Variants in KIF27 observed in about 807,000 individuals in gnomAD.
KIF27 encodes kinesin family member 27, also known as kinesin-like protein KIF27.
Under a neutral mutation model 141.8 loss-of-function variants are expected in KIF27, and 84 were observed. The ratio of observed to expected loss-of-function variants is 0.59; its 90% CI spans 0.50 to 0.71. KIF27 has a LOEUF of 0.71. KIF27 is among the 30% of genes least tolerant of loss of function. KIF27 has a pLI of 0.00. For missense variants in KIF27, 1,306 were observed against 1,628.4 expected, an observed-to-expected ratio of 0.80 and a Z score of 3.41; for synonymous variants, 471 against 569.5, an observed-to-expected ratio of 0.83 and a Z score of 2.46.
At position 83,889,750 on chromosome 9, in the gene KIF27, A is replaced by G. The variant is rs553986690; in HGVS notation, c.1810-497T>C. Among the ~76,000 whole-genome samples the G allele has an allele frequency of 3.3e-5, 5 of 152,128 alleles. No individual in the cohort carries two copies. The East Asian group carries it at 7.7e-4, about 24-fold the overall frequency. ...CAATATTCCTAATCTGAATACCACA[A>G]TGTATATACTTATTCTTTATACATG... On this transcript the variant is annotated intron_variant, in intron 6 of 17. Transcript: ENST00000297814.
intron 4 of KIF27, 38 bp downstream of exon 4, chr9:83,903,022 A>AAAAT (rs762654973): frequency 8.0e-5 from 103 of 1,281,504 alleles, no homozygotes; most frequent in South Asian, 4.2e-4. Flanking sequence ...ATGTATCAAT[A>AAAAT]AAATAAATAA....
At chr9:83,854,699 C>G (rs1369523525) in intron 14 of KIF27, among the ~76,000 whole-genome samples, 2 of 152,190 alleles carry the variant, frequency 1.3e-5, no homozygotes, top group Non-Finnish European at 2.9e-5. Context: ...CCATGCCCAG[C>G]TCTTCCAGTT....
Position 83,910,333 on chromosome 9 carries a change from G to C in KIF27, c.299-1681C>G, listed in dbSNP as rs11140292. On this transcript the variant is annotated intron_variant, in intron 2 of 17. Transcript: ENST00000297814. The stretch of plus-strand genomic sequence containing the variant: ...AAAGCAGGAAACTGACCCTAGGTAA[G>C]ACCAATCTATTTCACAGTCCTTTGC... Among the ~76,000 whole-genome samples the C allele has an allele frequency of 8.0e-3, 1,216 of 152,278 alleles. 32 individuals carry two copies. Among genetic ancestry groups the C allele is most frequent in the East Asian group, 0.036 (189 of 5,186 alleles).
At chr9:83,882,406 C>G (rs1335066337) in intron 10 of KIF27, among the ~76,000 whole-genome samples, 1 of 152,178 alleles carries the variant, frequency 6.6e-6, no homozygotes, top group Non-Finnish European at 1.5e-5. Context: ...CCGGTATTGT[C>G]ATCACCACTA....
chr9:83,855,824 T>G (rs914638392), intron 14 of KIF27, among the ~76,000 whole-genome samples: 1 of 152,230 alleles, frequency 6.6e-6, no homozygotes, highest in African/African-American at 2.4e-5. Context: ...GTGAAGAGTT[T>G]GCCTTTATAC....
intron 6 of KIF27, among the ~76,000 whole-genome samples, chr9:83,889,888 T>C (rs951913045): frequency 1.3e-5 from 2 of 152,198 alleles, no homozygotes; most frequent in Non-Finnish European, 2.9e-5. Flanking sequence ...CATTCTTCTA[T>C]TGGAAATGCA....
chr9:83,906,744 C>CAA (rs565683124), intron 3 of KIF27, among the ~76,000 whole-genome samples: 24 of 49,936 alleles, frequency 4.8e-4, no homozygotes, highest in South Asian at 6.8e-4. Context: ...ACCCTGTCTC[C>CAA]AAAAAAAAAA....
At chr9:83,845,494 A>G (rs898264841) in intron 16 of KIF27, among the ~76,000 whole-genome samples, 4 of 152,160 alleles carry the variant, frequency 2.6e-5, no homozygotes, top group African/African-American at 9.7e-5. Context: ...TCCAGCCTGC[A>G]CCGATGGCCT....
chr9:83,895,907 C>T (rs577052595), intron 5 of KIF27, among the ~76,000 whole-genome samples: 1 of 151,992 alleles, frequency 6.6e-6, no homozygotes, highest in South Asian at 2.1e-4. Context: ...AAAAAATTAG[C>T]CAGGCATGGT....
At chr9:83,877,005 A>C (rs1348383217) in intron 11 of KIF27, among the ~76,000 whole-genome samples, 1 of 152,146 alleles carries the variant, frequency 6.6e-6, no homozygotes, top group African/African-American at 2.4e-5. Context: ...TGAGCCCAGG[A>C]ATTGGAGGCT....
rs770669830 is a variant in KIF27, at chr9:83,903,104, G to A, written c.1414C>T (p.His472Tyr). ...GTASLEEGPQHVTVLQLKREL... is the reference protein window; with the variant it reads ...GTASLEEGPQYVTVLQLKREL... ...CTCTTCAGCTGGAGAACTGTAACAT[G>A]CTGTGGTCCTTCTTCCAGACTTGCA... Residue 472 changes from histidine to tyrosine, a missense_variant, in exon 4 of 18, where the codon CAT becomes TAT. His to Tyr is a moderately conservative substitution (Grantham distance 83, BLOSUM62 2). Coordinates refer to ENST00000297814, the MANE Select transcript of KIF27 (RefSeq NM_017576.4). 32 of 1,614,080 alleles carry A rather than the reference G, an allele frequency of 2.0e-5. No homozygotes were observed. Among genetic ancestry groups the A allele is most frequent in the Non-Finnish European group, 2.5e-5 (29 of 1,179,934 alleles).
chr9:83,912,451 G>A (rs2132744998), intron 2 of KIF27, among the ~76,000 whole-genome samples: 1 of 152,276 alleles, frequency 6.6e-6, no homozygotes, highest in South Asian at 2.1e-4. Flanking sequence ...GAGCTTATAG[G>A]AACTAGCCTG....
chr9:83,851,387 G>C (rs1948568170), intron 15 of KIF27, among the ~76,000 whole-genome samples: 1 of 151,916 alleles, frequency 6.6e-6, no homozygotes, highest in South Asian at 2.1e-4. Flanking sequence ...GTCTCACTCT[G>C]TCACCTCAGG....
intron 3 of KIF27, among the ~76,000 whole-genome samples, chr9:83,905,987 A>G (rs1366301047): frequency 2.0e-5 from 3 of 152,234 alleles, no homozygotes; most frequent in Admixed American, 6.5e-5. Flanking sequence ...TTCAGCATTG[A>G]TATCAGATAT....
chr9:83,866,253 T>G (rs890020475), intron 13 of KIF27, among the ~76,000 whole-genome samples: 8 of 151,200 alleles, frequency 5.3e-5, no homozygotes, highest in African/African-American at 1.7e-4. Context: ...AAACTGTTAT[T>G]TTTAAAAAAG....
chr9:83,892,860 T>G (rs1300434010), intron 5 of KIF27, among the ~76,000 whole-genome samples: 2 of 152,186 alleles, frequency 1.3e-5, no homozygotes, highest in Non-Finnish European at 2.9e-5. Flanking sequence ...CAATTCTACA[T>G]TTGTGTCCAC....
At chr9:83,891,255 T>G in intron 6 of KIF27, 40 bp downstream of exon 6, 4 of 1,571,262 alleles carry the variant, frequency 2.5e-6, no homozygotes, top group Non-Finnish European at 3.5e-6. Flanking sequence ...GCTAAAATTT[T>G]TTTAATCTCC....
At chr9:83,856,739 CAA>C (rs1164022379) in intron 14 of KIF27, among the ~76,000 whole-genome samples, 3 of 64,356 alleles carry the variant, frequency 4.7e-5, no homozygotes, top group Non-Finnish European at 5.7e-5. Context: ...GACTCCGTCT[CAA>C]AAAAAAAAAA....
rs1425730729 is a variant in KIF27, at chr9:83,837,123, C to G, written c.4084G>C (p.Glu1362Gln). 28 of 1,613,882 alleles carry G rather than the reference C, an allele frequency of 1.7e-5. No homozygotes were observed. Among genetic ancestry groups the G allele is most frequent in the Non-Finnish European group, 2.0e-5 (24 of 1,179,944 alleles). The change falls in exon 18 of 18, where the codon GAA becomes CAA. Residue 1362 changes from glutamate (E) to glutamine (Q), a missense_variant. Glu to Gln is a conservative substitution (Grantham distance 29). Transcript: ENST00000297814. ...GVTPVKLCRK[E>Q]LRQISALELS... The stretch of plus-strand genomic sequence containing the variant: ...TCCAAGGCGGAAATTTGACGTAATT[C>G]TTTTCGACACAGTTTTACAGGTGTG...
Sources: gnomAD v4.1 joint callset for allele counts (sites outside exome capture counted in the v4.1 genomes callset) on GRCh38, gnomAD v4.1.1 for gene constraint, MANE v1.5 for transcripts, NCBI Gene and HGNC (gene_info 2026-07-23, HGNC 2026-07-21) for gene names.